The following CNNM4 variants were observed in gnomAD, a reference collection of about 807,000 sequenced individuals.
The protein encoded by CNNM4 is cyclin and CBS domain divalent metal cation transport mediator 4.
In CNNM4, 32 loss-of-function variants were observed where a neutral mutation model predicts 53.7. That is an observed-to-expected ratio of 0.60 (90% CI 0.45 to 0.80). The LOEUF is 0.80. Ranked by LOEUF, CNNM4 falls within the 30% of genes least tolerant of loss-of-function variation. The pLI, the probability that CNNM4 is intolerant of heterozygous loss-of-function variation, is 0.00. For missense variants in CNNM4, 784 were observed against 1,022.0 expected (o/e 0.77, Z 3.17); for synonymous variants, 410 against 440.0 (o/e 0.93, Z 0.85).
Position 96,797,678 on chromosome 2 carries a change from G to A in CNNM4, c.1681+31G>A, listed in dbSNP as rs747798390. On this transcript the variant is annotated intron_variant, in intron 3 of 6. Transcript: ENST00000377075. The surrounding 1 kb of genome is among the most constrained non-coding windows in gnomAD (Gnocchi z 6.0). Reference sequence around the variant, plus strand: ...ATGAGGAGGACCTTCCGGTCTTGGTGGAAATACGGTCACGGGGGAGAAGTC... The same window carrying A: ...ATGAGGAGGACCTTCCGGTCTTGGTAGAAATACGGTCACGGGGGAGAAGTC... 12 of 1,612,414 alleles carry A rather than the reference G, an allele frequency of 7.4e-6. No homozygotes were observed. The highest frequency in any genetic ancestry group is 9.3e-6 in the Non-Finnish European group (11 of 1,179,970).
In CNNM4 at chr2:96,760,971, A is replaced by AGCGGCG. The variant is rs1193908155; in HGVS notation, c.-20_-15dup. ...CGGGGCCGCGCGGCGTGGCGCGGGG[A>AGCGGCG]GCGGCGGCGGCGGCAGAGCCAGAGC... On this transcript the variant is annotated 5_prime_UTR_variant, in exon 1 of 7. Coordinates refer to ENST00000377075, the MANE Select transcript of CNNM4 (RefSeq NM_020184.4). 1.0e-6 allele frequency: 1 copy of AGCGGCG among 1,002,344 alleles called. No individual in the cohort carries two copies. Among genetic ancestry groups the AGCGGCG allele is most frequent in the Non-Finnish European group, 1.2e-6 (1 of 841,436 alleles). The allele number at this position is 1,002,344 out of a possible 1,614,324, so 62.1% of individuals were successfully genotyped here.
intron 1 of CNNM4, among the ~76,000 whole-genome samples, chr2:96,771,293 C>CTT (rs570663726): frequency 7.2e-6 from 1 of 138,292 alleles, no homozygotes; most frequent in Admixed American, 7.3e-5. Context: ...AGATGATTTT[C>CTT]TTTTTTTTTT....
In CNNM4 at chr2:96,767,233, A is replaced by G. The variant is rs557217734; in HGVS notation, c.1402+4832A>G. ...TAGTGCCAGATATCTGTGGAACCCC[A>G]TGCTGCGTGCAAGACGTGATGCTAG... On this transcript the variant is annotated intron_variant, in intron 1 of 6. Transcript: ENST00000377075. 3.3e-5 allele frequency among the ~76,000 whole-genome samples: 5 copies of G among 152,286 alleles called. No individual in the cohort carries two copies. In the South Asian group the frequency reaches 8.3e-4, roughly 25 times the overall value.
intron 1 of CNNM4, among the ~76,000 whole-genome samples, chr2:96,793,780 C>G (rs1228625032): frequency 6.6e-6 from 1 of 152,140 alleles, no homozygotes; most frequent in Admixed American, 6.5e-5. Context: ...CCTGGCCAAC[C>G]TGGCGAAACC....
intron 5 of CNNM4, among the ~76,000 whole-genome samples, chr2:96,806,544 C>T (rs1050443686): frequency 2.0e-5 from 3 of 148,806 alleles, no homozygotes; most frequent in East Asian, 2.0e-4. Flanking sequence ...CACGCGCGCG[C>T]GCGCGCGCGC....
chr2:96,792,109 G>A (rs2153348338), intron 1 of CNNM4, among the ~76,000 whole-genome samples: 1 of 151,858 alleles, frequency 6.6e-6, no homozygotes, highest in East Asian at 1.9e-4. Context: ...CAAAAAATTA[G>A]CCGAGTGTGG....
intron 1 of CNNM4, among the ~76,000 whole-genome samples, chr2:96,785,804 T>TAAAGAAA: frequency 7.1e-6 from 1 of 141,710 alleles, no homozygotes; most frequent in East Asian, 2.1e-4. Context: ...ACCCTGTCTC[T>TAAAGAAA]AAAAAAAGAT....
chr2:96,778,907 C>T (rs1380089016), intron 1 of CNNM4, among the ~76,000 whole-genome samples: 5 of 152,088 alleles, frequency 3.3e-5, no homozygotes, highest in Non-Finnish European at 5.9e-5. Context: ...ATGTATGTGA[C>T]CTTATCTACT....
At chr2:96,805,440 A>AATTTTT (rs2079194974) in intron 5 of CNNM4, among the ~76,000 whole-genome samples, 6 of 87,474 alleles carry the variant, frequency 6.9e-5, no homozygotes, top group East Asian at 3.6e-4. Context: ...TTTTTTTTTT[A>AATTTTT]TTATTTTTTT....
intron 1 of CNNM4, among the ~76,000 whole-genome samples, chr2:96,765,200 C>T (rs1478296900): frequency 1.3e-5 from 2 of 149,160 alleles, no homozygotes; most frequent in Non-Finnish European, 3.0e-5. Flanking sequence ...AATCTCGGCT[C>T]GCTGCAACCT....
chr2:96,774,112 A>G (rs2078902813), intron 1 of CNNM4, among the ~76,000 whole-genome samples: 2 of 152,134 alleles, frequency 1.3e-5, no homozygotes, highest in Admixed American at 6.6e-5. Flanking sequence ...CAGCGCATCC[A>G]TGTTCCGACT....
intron 1 of CNNM4, among the ~76,000 whole-genome samples, chr2:96,784,292 C>T (rs2078998947): frequency 1.3e-5 from 2 of 152,042 alleles, no homozygotes; most frequent in Non-Finnish European, 2.9e-5. Flanking sequence ...AAGTCCTTAT[C>T]TTTTAGAGAT....
chr2:96,772,725 G>T (rs1301322180), intron 1 of CNNM4, among the ~76,000 whole-genome samples: 2 of 79,782 alleles, frequency 2.5e-5, no homozygotes, highest in African/African-American at 1.0e-4. Context: ...ACACACACAT[G>T]CGTGCACACA....
In CNNM4 at chr2:96,760,918, G is replaced by C; in HGVS notation, c.-82G>C. 1 of 787,864 alleles carries C rather than the reference G, an allele frequency of 1.3e-6. No homozygotes were observed. Among genetic ancestry groups the C allele is most frequent in the Non-Finnish European group, 1.5e-6 (1 of 649,070 alleles). 48.8% of individuals were successfully genotyped at this position (787,864 alleles called of 1,614,324 possible). On this transcript the variant is annotated 5_prime_UTR_variant, in exon 1 of 7. Transcript: ENST00000377075. ...GGCCCGGGCAGTTGGCTCGGCGGCA[G>C]CGGAGCGGCCGGAGCTGCGGTGCGG... is the stretch of plus-strand genomic sequence containing the variant.
intron 1 of CNNM4, among the ~76,000 whole-genome samples, chr2:96,783,005 A>G (rs1440558307): frequency 6.6e-6 from 1 of 152,172 alleles, no homozygotes; most frequent in Non-Finnish European, 1.5e-5. Flanking sequence ...CAGGAGTTCA[A>G]GACCAGCCTG....
intron 1 of CNNM4, among the ~76,000 whole-genome samples, chr2:96,781,356 A>G (rs565991890): frequency 2.6e-5 from 4 of 151,090 alleles, no homozygotes; most frequent in Admixed American, 2.0e-4. Context: ...TTGAGCCACC[A>G]TGCCCAGCCA....
rs1244571921 is a variant in CNNM4 at position 96,800,345 on chromosome 2, C to T, written c.1948+697C>T. Among the ~76,000 whole-genome samples, 5 of 152,192 alleles carry T rather than the reference C, an allele frequency of 3.3e-5. No homozygotes were observed. Among genetic ancestry groups the T allele is most frequent in the Admixed American group, 2.6e-4 (4 of 15,284 alleles). The stretch of plus-strand genomic sequence containing the variant: ...TCCTCTCCAGGCTTCGGTCCTGGGG[C>T]GAGGTTGCTGCAGGGTAGAGAGAGA... On this transcript the variant is annotated intron_variant, in intron 5 of 6. Coordinates refer to ENST00000377075, the MANE Select transcript of CNNM4 (RefSeq NM_020184.4). This position sits in a 1 kb window ranked among gnomAD's most constrained non-coding sequence, Gnocchi z 4.6.
At chr2:96,798,582 C>T (rs899541279) in intron 3 of CNNM4, among the ~76,000 whole-genome samples, 4 of 152,152 alleles carry the variant, frequency 2.6e-5, no homozygotes, top group Admixed American at 2.0e-4. Flanking sequence ...ATCTTCCTTC[C>T]CACCCCTTAC....
intron 1 of CNNM4, among the ~76,000 whole-genome samples, chr2:96,777,042 C>T (rs191583791): frequency 7.4e-4 from 112 of 151,498 alleles, no homozygotes; most frequent in African/African-American, 2.6e-3. Context: ...GTTTTTGAGA[C>T]GGAGTCTCAC....
Sources: gnomAD v4.1 joint callset for allele counts (sites outside exome capture counted in the v4.1 genomes callset) on GRCh38, gnomAD v4.1.1 for gene constraint, Gnocchi (gnomAD v3.1) non-coding constraint, MANE v1.5 for transcripts, NCBI Gene and HGNC (gene_info 2026-07-23, HGNC 2026-07-21) for gene names.